Variants in CYB5A observed in about 807,000 individuals in gnomAD.
CYB5A encodes cytochrome b5 type A, also known as cytochrome b5.
Under a neutral mutation model 16.2 loss-of-function variants are expected in CYB5A, and 10 were observed. The observed-to-expected ratio is 0.62, with a 90% CI of 0.38 to 1.04. The LOEUF (loss-of-function observed/expected upper bound fraction) is 1.04. CYB5A is among the 50% of genes least tolerant of loss of function. The probability of loss-of-function intolerance (pLI) is 0.01; values close to 1 mark genes in which losing one functional copy is unlikely to be tolerated. For missense variants in CYB5A, 161 were observed against 165.9 expected (o/e 0.97, Z 0.16); for synonymous variants, 62 against 57.0 (o/e 1.09, Z -0.40).
chr18:74,290,545 C>T (rs1280310439), intron 1 of CYB5A, among the ~76,000 whole-genome samples: 1 of 152,144 alleles, frequency 6.6e-6, no homozygotes, highest in African/African-American at 2.4e-5. Context: ...GTGCTTGGCC[C>T]AGCCTCATTT....
At chr18:74,267,105 C>T (rs1982471524) in intron 1 of CYB5A, among the ~76,000 whole-genome samples, 1 of 151,792 alleles carries the variant, frequency 6.6e-6, no homozygotes, top group Admixed American at 6.6e-5. Context: ...TGAAACTTGT[C>T]AATCTTCTCA....
At chr18:74,275,761 A>T (rs1982847475) in intron 1 of CYB5A, among the ~76,000 whole-genome samples, 1 of 152,296 alleles carries the variant, frequency 6.6e-6, no homozygotes, top group Admixed American at 6.5e-5. Flanking sequence ...CAGAGTCTGG[A>T]AAAGCGGGAG....
intron 4 of CYB5A, among the ~76,000 whole-genome samples, chr18:74,254,035 G>C (rs1000415103): frequency 1.6e-4 from 25 of 152,132 alleles, no homozygotes; most frequent in African/African-American, 5.6e-4. Context: ...AAAGTAGCTG[G>C]GCGTGGTGGC....
At chr18:74,277,717 C>T (rs943263171) in intron 1 of CYB5A, among the ~76,000 whole-genome samples, 3 of 152,198 alleles carry the variant, frequency 2.0e-5, no homozygotes, top group Middle Eastern at 3.2e-3. Flanking sequence ...CGCTTAGACT[C>T]TGTGTGAACA....
At chr18:74,279,096 T>C (rs1398126242) in intron 1 of CYB5A, among the ~76,000 whole-genome samples, 1 of 152,220 alleles carries the variant, frequency 6.6e-6, no homozygotes, top group East Asian at 1.9e-4. Flanking sequence ...GCTTACCTCC[T>C]GCTTTGTAAC....
At chr18:74,288,216 C>G (rs1983390185) in intron 1 of CYB5A, among the ~76,000 whole-genome samples, 1 of 152,212 alleles carries the variant, frequency 6.6e-6, no homozygotes, top group African/African-American at 2.4e-5. Context: ...TGAGCTTCAA[C>G]CTGTGTTCTT....
At chr18:74,291,550 G>T (rs927979109) in intron 1 of CYB5A, among the ~76,000 whole-genome samples, 197 bp downstream of exon 1, 1 of 150,174 alleles carries the variant, frequency 6.7e-6, no homozygotes, top group Non-Finnish European at 1.5e-5. Flanking sequence ...TTGGGGCGGT[G>T]GGGGGCGCCC....
At chr18:74,266,252 C>T (rs974953163) in intron 1 of CYB5A, among the ~76,000 whole-genome samples, 5 of 152,188 alleles carry the variant, frequency 3.3e-5, no homozygotes, top group Non-Finnish European at 1.5e-5. Context: ...CTTCCACTCA[C>T]CTACTGAGTA....
chr18:74,266,451 T>C (rs1237483999), intron 1 of CYB5A, among the ~76,000 whole-genome samples: 3 of 152,214 alleles, frequency 2.0e-5, no homozygotes, highest in African/African-American at 7.2e-5. Context: ...GGACAGCCGA[T>C]GTTCAAAGGA....
intron 1 of CYB5A, among the ~76,000 whole-genome samples, chr18:74,289,725 G>C (rs1433868710): frequency 6.8e-6 from 1 of 148,104 alleles, no homozygotes; most frequent in African/African-American, 2.5e-5. Context: ...GCAGTGAGTC[G>C]AGATCACACC....
rs748818768 is a variant in CYB5A, at chr18:74,252,589, C to A, written c.*995G>T. The A allele has an allele frequency of 6.6e-6, 1 of 152,206 alleles. No individual in the cohort carries two copies. Among genetic ancestry groups the A allele is most frequent in the Non-Finnish European group, 1.5e-5 (1 of 68,046 alleles). The allele number at this position is 152,206 out of a possible 1,614,324, so 9.4% of individuals were successfully genotyped here. ...AGCTGTGAGTGCCTTTGCAATGATA[C>A]GTGTAAGCTGAGAGAATGGACAGTT... On this transcript the variant is annotated 3_prime_UTR_variant, in exon 5 of 5. Transcript: ENST00000340533.
chr18:74,262,189 C>T (rs932254414), intron 2 of CYB5A, among the ~76,000 whole-genome samples: 5 of 152,158 alleles, frequency 3.3e-5, no homozygotes, highest in Non-Finnish European at 4.4e-5. Context: ...TGCGGTGACT[C>T]ACACCTGTAA....
chr18:74,272,514 T>C lies in CYB5A; in HGVS notation c.130-9037A>G, dbSNP rs550712425. Among the ~76,000 whole-genome samples the C allele has an allele frequency of 9.8e-5, 15 of 152,336 alleles. No homozygotes were observed. In the East Asian group the frequency reaches 2.9e-3, roughly 29 times the overall value. ...ACCAATTATCTATTTCTAACAATTC[T>C]GGTATTTCTAACAAGAGGTAAAGTG... is the stretch of plus-strand genomic sequence containing the variant. On this transcript the variant is annotated intron_variant, in intron 1 of 4. Coordinates refer to ENST00000340533, the MANE Select transcript of CYB5A (RefSeq NM_148923.4).
Position 74,251,822 on chromosome 18 carries a change from A to G in CYB5A, c.*1762T>C, listed in dbSNP as rs993250279. 9.8e-5 allele frequency: 15 copies of G among 152,360 alleles called. No individual in the cohort carries two copies. The highest frequency in any genetic ancestry group is 3.6e-4 in the African/African-American group (15 of 41,590). 9.4% of individuals were successfully genotyped at this position (152,360 alleles called of 1,614,324 possible). A position where few individuals can be genotyped will look rare whatever the true frequency, so the allele number is the denominator to read the frequency against. On this transcript the variant is annotated 3_prime_UTR_variant, in exon 5 of 5. Transcript: ENST00000340533. Reference sequence around the variant, plus strand: ...AGCCACAGCAGCAAATTGCTGAGTCACTGATAAAAATGTCAAAGTTCAACT... The same window carrying G: ...AGCCACAGCAGCAAATTGCTGAGTCGCTGATAAAAATGTCAAAGTTCAACT...
intron 1 of CYB5A, among the ~76,000 whole-genome samples, chr18:74,291,424 C>A (rs1179563085): frequency 5.8e-4 from 8 of 13,872 alleles, no homozygotes; most frequent in African/African-American, 1.5e-3. Flanking sequence ...ACTCAGGGAG[C>A]GCTCCCCAGG....
intron 2 of CYB5A, among the ~76,000 whole-genome samples, chr18:74,262,307 T>C (rs2051415): frequency 0.94 from 143,172 of 152,186 alleles, 67,824 homozygotes; most frequent in East Asian, 1. Flanking sequence ...TACAAAACAA[T>C]TGGCCAGGCA....
rs796525677 is a variant in CYB5A, at chr18:74,251,175, C to CA, written c.*2408dup. 0.03 allele frequency: 2,412 copies of CA among 79,966 alleles called. 38 individuals are homozygous for CA. The highest frequency in any genetic ancestry group is 0.07 in the African/African-American group (1,678 of 23,996). 5.0% of individuals were successfully genotyped at this position (79,966 alleles called of 1,614,324 possible). ...ACAGAGTGAGACTCTGTCTCAAAAACAAAAAAAAAAAAAAAAGAAAGTTTA... is the reference window on the plus strand; with the variant it reads ...ACAGAGTGAGACTCTGTCTCAAAAACAAAAAAAAAAAAAAAAAGAAAGTTTA... On this transcript the variant is annotated 3_prime_UTR_variant, in exon 5 of 5. Transcript: ENST00000340533.
At chr18:74,262,152 T>C (rs1353343833) in intron 2 of CYB5A, among the ~76,000 whole-genome samples, 2 of 152,082 alleles carry the variant, frequency 1.3e-5, no homozygotes, top group Non-Finnish European at 2.9e-5. Flanking sequence ...AGCACAGTGT[T>C]TATAGAAAAG....
At chr18:74,277,362 C>T (rs1363294119) in intron 1 of CYB5A, among the ~76,000 whole-genome samples, 1 of 152,216 alleles carries the variant, frequency 6.6e-6, no homozygotes, top group South Asian at 2.1e-4. Flanking sequence ...TCCACCCTCT[C>T]ACTGTATCCC....
Sources: allele counts gnomAD v4.1 joint callset (sites outside exome capture counted in the v4.1 genomes callset), GRCh38; gene constraint gnomAD v4.1.1; transcripts MANE v1.5; gene names NCBI Gene and HGNC (gene_info 2026-07-23, HGNC 2026-07-21).